Variants in SALL1 observed in about 807,000 individuals in gnomAD.
SALL1 encodes the protein spalt like transcription factor 1, also known as sal-like protein 1.
SALL1 carries 10 observed loss-of-function variants against 73.1 expected under a neutral mutation model. The observed-to-expected ratio is 0.14, with a 90% CI of 0.08 to 0.23. SALL1 has a LOEUF of 0.23. SALL1 is among the 10% of genes least tolerant of loss of function. The pLI, the probability that SALL1 is intolerant of heterozygous loss-of-function variation, is 1.00. For missense variants in SALL1, 1,520 were observed against 1,697.3 expected (o/e 0.90, Z 1.84); for synonymous variants, 688 against 689.8 (o/e 1.00, Z 0.04).
In SALL1 at chr16:51,141,463, T is replaced by G. The variant is rs1460756256; in HGVS notation, c.759A>C (p.Gln253His). 2 of 1,614,150 alleles carry G rather than the reference T, an allele frequency of 1.2e-6. No individual in the cohort carries two copies. Among genetic ancestry groups the G allele is most frequent in the Non-Finnish European group, 1.7e-6 (2 of 1,180,036 alleles). The change falls in exon 2 of 3, where the codon CAA becomes CAC. Residue 253 changes from glutamine to histidine, a missense_variant. Gln to His is a conservative substitution (Grantham distance 24). Around this residue, in one of 7 missense-constraint regions of SALL1, gnomAD observed 540 missense variants for 567.5 expected, o/e 0.95. Coordinates refer to ENST00000251020, the MANE Select transcript of SALL1 (RefSeq NM_002968.3). This position sits in a 1 kb window ranked among gnomAD's most constrained non-coding sequence, Gnocchi z 5.4. ...CATTCTGAGAAGCCAACAGCAATAT[T>G]TGGTGACGAATCTGTTCGATCAATT... ...QLQLIEQIRH[Q>H]ILLLASQNAD...
At chr16:51,149,774 C>G (rs1962569099) in intron 1 of SALL1, 1 of 152,210 alleles carries the variant, frequency 6.6e-6, no homozygotes, top group South Asian at 2.1e-4. Flanking sequence ...TACCGAGAGG[C>G]AGGCCTCTGG....
chr16:51,143,266 T>C (rs764547803), intron 1 of SALL1: 1 of 365,802 alleles, frequency 2.7e-6, no homozygotes, highest in South Asian at 2.0e-5. Flanking sequence ...GTCTTCTCAC[T>C]AAGATCCATT....
chr16:51,141,023 G>A lies in SALL1; in HGVS notation c.1199C>T (p.Ser400Leu), dbSNP rs200089484. Residue 400 changes from serine to leucine, a missense_variant, in exon 2 of 3, where the codon TCG becomes TTG. By Grantham distance (145) the Ser-to-Leu change is moderately radical. Around this residue, in one of 7 missense-constraint regions of SALL1, gnomAD observed 540 missense variants for 567.5 expected, o/e 0.95. Transcript: ENST00000251020. The surrounding 1 kb of genome is among the most constrained non-coding windows in gnomAD (Gnocchi z 5.4). ...PLLPQQASAN[S>L]VFPSPLPNIG... ...GTTGGGCAAAGGGCTGGGGAAAACC[G>A]AGTTAGCGGAGGCTTGCTGAGGTAG... The A allele has an allele frequency of 5.5e-5, 88 of 1,614,110 alleles. 1 individual carries two copies. The highest frequency in any genetic ancestry group is 2.0e-4 in the African/African-American group (15 of 74,928).
chr16:51,147,583 T>C (rs1189617855), intron 1 of SALL1, among the ~76,000 whole-genome samples: 1 of 152,146 alleles, frequency 6.6e-6, no homozygotes, highest in Non-Finnish European at 1.5e-5. Flanking sequence ...TTAATATAAA[T>C]AAGAGGAATT....
At chr16:51,151,313 G>A, upstream of SALL1, 4 of 1,211,788 alleles carry the variant, frequency 3.3e-6, no homozygotes, top group Non-Finnish European at 4.3e-6. Context: ...TACGGAAATC[G>A]AGCGGCGGCG....
At chr16:51,151,902 C>A (rs2143482213), upstream of SALL1, among the ~76,000 whole-genome samples, 1 of 151,752 alleles carries the variant, frequency 6.6e-6, no homozygotes, top group South Asian at 2.1e-4. Context: ...GCGCGCCGGC[C>A]CGCGGGGGGA....
At position 51,140,415 on chromosome 16, in the gene SALL1, T is replaced by C. The variant is rs575669269; in HGVS notation, c.1807A>G (p.Arg603Gly). 1.4e-5 allele frequency: 23 copies of C among 1,614,080 alleles called. No individual in the cohort carries two copies. The South Asian group carries it at 1.9e-4, about 13-fold the overall frequency. Residue 603 changes from arginine (R) to glycine (G), a missense_variant, in exon 2 of 3, where the codon AGA (arginine) becomes GGA (glycine). By Grantham distance (125) the Arg-to-Gly change is moderately radical (BLOSUM62 -2). Coordinates refer to ENST00000251020, the MANE Select transcript of SALL1 (RefSeq NM_002968.3). The surrounding 1 kb of genome is among the most constrained non-coding windows in gnomAD (Gnocchi z 5.7). ...TCCTCTGGGAGCCCACCTAGGTTTC[T>C]TGTGGCTGACTCAGGGCCCCCGGAG... is the stretch of plus-strand genomic sequence containing the variant. ...SDSGGPESAT[R>G]NLGGLPEEAE...
intron 1 of SALL1, chr16:51,150,900 C>T (rs1012897788): frequency 5.3e-6 from 2 of 373,950 alleles, no homozygotes; most frequent in Middle Eastern, 6.8e-4. Context: ...GGCATGCCCG[C>T]CCTCCTTCCC....
rs900234354 is a variant in SALL1, at chr16:51,136,556, A to T, written c.*556T>A. The T allele has an allele frequency of 6.5e-6, 1 of 152,918 alleles. No homozygotes were observed. The highest frequency in any genetic ancestry group is 2.1e-4 in the South Asian group (1 of 4,848). 9.5% of individuals were successfully genotyped at this position (152,918 alleles called of 1,614,324 possible). A position where few individuals can be genotyped will look rare whatever the true frequency, so the allele number is the denominator to read the frequency against. ...AAGGTTGAATTTTAGAATAAAAATTAAAAAACCAAACCTTTCAAAGAACCA... is the reference window on the plus strand; with the variant it reads ...AAGGTTGAATTTTAGAATAAAAATTTAAAAACCAAACCTTTCAAAGAACCA... On this transcript the variant is annotated 3_prime_UTR_variant, in exon 3 of 3. Transcript: ENST00000251020.
At chr16:51,147,933 A>G (rs1962543524) in intron 1 of SALL1, among the ~76,000 whole-genome samples, 1 of 152,210 alleles carries the variant, frequency 6.6e-6, no homozygotes, top group African/African-American at 2.4e-5. Flanking sequence ...CTTGATAAAC[A>G]GTCTTTCCAG....
intron 1 of SALL1, among the ~76,000 whole-genome samples, chr16:51,146,454 G>A (rs920649615): frequency 6.6e-6 from 1 of 152,128 alleles, no homozygotes. Flanking sequence ...TCCTTAAGGC[G>A]AGATCTAAAC....
rs185996794 is a variant in SALL1 at position 51,137,367 on chromosome 16, C to T, written c.3720G>A (p.Ala1240=). 5.0e-5 allele frequency: 80 copies of T among 1,613,924 alleles called. No homozygotes were observed. The highest frequency in any genetic ancestry group is 6.3e-5 in the Non-Finnish European group (74 of 1,180,020). ...CCTTCATCGCCAGCCCGTTGGAGAG[C>T]GCTGCTGCATACTGATTCCAGAAGC... is the stretch of plus-strand genomic sequence containing the variant. ...PSSFWNQYAA[A]LSNGLAMKAN... The change falls in exon 3 of 3, where the codon GCG becomes GCA. Residue 1240 remains alanine (A), a synonymous_variant. Transcript: ENST00000251020.
At chr16:51,150,413 G>A in intron 1 of SALL1, 1 of 985,618 alleles carries the variant, frequency 1.0e-6, no homozygotes, top group Non-Finnish European at 1.2e-6. Flanking sequence ...GGGTGCAAGT[G>A]TTGTGGGAAG....
At chr16:51,150,061 C>T (rs1962574354) in intron 1 of SALL1, among the ~76,000 whole-genome samples, 1 of 152,198 alleles carries the variant, frequency 6.6e-6, no homozygotes, top group Non-Finnish European at 1.5e-5. Context: ...GGCGCTAGGC[C>T]TGGGAGCTTT....
At chr16:51,143,300 T>C in intron 1 of SALL1, 2 of 390,494 alleles carry the variant, frequency 5.1e-6, no homozygotes, top group South Asian at 3.7e-5. Context: ...GAAAAATCTC[T>C]AACTCCAAGC....
chr16:51,137,053 G>C lies in SALL1; in HGVS notation c.*59C>G. The C allele has an allele frequency of 6.5e-7, 1 of 1,535,206 alleles. No individual in the cohort carries two copies. Among genetic ancestry groups the C allele is most frequent in the Non-Finnish European group, 9.0e-7 (1 of 1,113,286 alleles). On this transcript the variant is annotated 3_prime_UTR_variant, in exon 3 of 3. Transcript: ENST00000251020. ...GCGGGGTGGGGGGCAAGGAGTAGGAGGCCACCATAGGTCGCATTCTGAACA... is the reference window on the plus strand; with the variant it reads ...GCGGGGTGGGGGGCAAGGAGTAGGACGCCACCATAGGTCGCATTCTGAACA...
chr16:51,140,844 T>A lies in SALL1; in HGVS notation c.1378A>T (p.Ser460Cys). ...AAGTGGATCTGCAAGGCACTGTCAC[T>A]CCCAAAGACCTTCGCGCAGAACCTG... Reference protein sequence around the residue: ...KCRFCAKVFGSDSALQIHLRS... With the variant: ...KCRFCAKVFGCDSALQIHLRS... The change falls in exon 2 of 3, where the codon AGT becomes TGT. Residue 460 changes from serine (S) to cysteine (C), a missense_variant. By Grantham distance (112) the Ser-to-Cys change is moderately radical. Transcript: ENST00000251020. The surrounding 1 kb of genome is among the most constrained non-coding windows in gnomAD (Gnocchi z 5.7). 1 of 1,614,236 alleles carries A rather than the reference T, an allele frequency of 6.2e-7. No individual in the cohort carries two copies. The highest frequency in any genetic ancestry group is 8.5e-7 in the Non-Finnish European group (1 of 1,180,044).
chr16:51,141,654 C>A lies in SALL1; in HGVS notation c.568G>T (p.Val190Leu), dbSNP rs767405763. The change falls in exon 2 of 3, where the codon GTA becomes TTA. Residue 190 changes from valine to leucine, a missense_variant. Transcript: ENST00000251020. This position sits in a 1 kb window ranked among gnomAD's most constrained non-coding sequence, Gnocchi z 5.4. ...GDLTTLGNFS[V>L]INSNVIIENL... is the part of the protein sequence containing the mutation. ...TCGATGATGACGTTGCTGTTGATTA[C>A]GGAGAAGTTGCCCAGTGTTGTCAGG... is the stretch of plus-strand genomic sequence containing the variant. 1 of 1,613,534 alleles carries A rather than the reference C, an allele frequency of 6.2e-7. No individual in the cohort carries two copies. The highest frequency in any genetic ancestry group is 8.5e-7 in the Non-Finnish European group (1 of 1,180,032).
At chr16:51,145,935 C>T (rs973495697) in intron 1 of SALL1, among the ~76,000 whole-genome samples, 1 of 150,950 alleles carries the variant, frequency 6.6e-6, no homozygotes, top group Admixed American at 6.6e-5. Context: ...TTAATTTTAA[C>T]AGCCTGTTCC....
Sources: gnomAD v4.1 joint callset for allele counts (sites outside exome capture counted in the v4.1 genomes callset) on GRCh38, gnomAD v4.1.1 for gene constraint, gnomAD v4.1.1 regional missense constraint, Gnocchi (gnomAD v3.1) non-coding constraint, MANE v1.5 for transcripts, NCBI Gene and HGNC (gene_info 2026-07-23, HGNC 2026-07-21) for gene names.